The following UFD1 variants were observed in gnomAD, a reference collection of about 807,000 sequenced individuals.
UFD1 encodes ubiquitin recognition factor in ER associated degradation 1, also known as ubiquitin recognition factor in ER-associated degradation protein 1.
A neutral mutation model predicts 45.9 loss-of-function variants in UFD1; 13 were observed. The ratio of observed to expected loss-of-function variants is 0.28; its 90% CI spans 0.18 to 0.45. The LOEUF is 0.45. Ranked by LOEUF, UFD1 falls within the 20% of genes least tolerant of loss-of-function variation. The pLI is 1.00. For missense variants in UFD1, 218 were observed against 389.2 expected (o/e 0.56, Z 3.70); for synonymous variants, 128 against 139.2 (o/e 0.92, Z 0.56).
chr22:19,475,010 A>AC (rs1317820375), intron 3 of UFD1, 58 bp downstream of exon 3: 2 of 1,518,248 alleles, frequency 1.3e-6, no homozygotes, highest in Non-Finnish European at 1.8e-6. Context: ...GCCCATGCTG[A>AC]CTCTTGGTGT....
Position 19,479,017 on chromosome 22 carries a change from C to T in UFD1, c.3+66G>A, listed in dbSNP as rs1037638223. On this transcript the variant is annotated intron_variant, in intron 1 of 11. Transcript: ENST00000263202. ...CGCCGCCGTCCCGCCCCGCCCTGCC[C>T]CGCCGGGCCCTACCTCAGGCCCCGG... is the stretch of plus-strand genomic sequence containing the variant. 54 of 1,533,548 alleles carry T rather than the reference C, an allele frequency of 3.5e-5. No individual in the cohort carries two copies. The African/African-American group carries it at 6.6e-4, about 19-fold the overall frequency. The allele number at this position is 1,533,548 out of a possible 1,614,324, so 95.0% of individuals were successfully genotyped here.
chr22:19,476,922 G>A (rs1468758831), intron 1 of UFD1, among the ~76,000 whole-genome samples: 1 of 144,934 alleles, frequency 6.9e-6, no homozygotes, highest in Non-Finnish European at 1.5e-5. Flanking sequence ...CAGAAGAATC[G>A]CTTGAACCCA....
chr22:19,468,488 A>G (rs2089820226), intron 4 of UFD1, among the ~76,000 whole-genome samples: 1 of 152,200 alleles, frequency 6.6e-6, no homozygotes, highest in African/African-American at 2.4e-5. Context: ...AGGAGGTTAT[A>G]AAAATCTGAC....
At chr22:19,476,864 G>A (rs1478956327) in intron 1 of UFD1, among the ~76,000 whole-genome samples, 2 of 151,740 alleles carry the variant, frequency 1.3e-5, no homozygotes, top group Non-Finnish European at 2.9e-5. Flanking sequence ...AAAATTAGCC[G>A]GGCGTGGTGG....
At chr22:19,452,035 A>G in intron 11 of UFD1, 1 of 739,076 alleles carries the variant, frequency 1.4e-6, no homozygotes, top group Non-Finnish European at 1.7e-6. Context: ...TCTTCTTGTG[A>G]GTTCCTTTTT....
At chr22:19,456,706 G>A (rs541865029) in intron 8 of UFD1, 72 bp from the exon 9 acceptor site, 272 of 1,610,940 alleles carry the variant, frequency 1.7e-4, no homozygotes, top group South Asian at 5.3e-4. Context: ...CCCCACCCCC[G>A]GCTAGGATGT....
At chr22:19,464,034 G>T (rs975471528) in intron 6 of UFD1, among the ~76,000 whole-genome samples, 4 of 152,094 alleles carry the variant, frequency 2.6e-5, no homozygotes, top group African/African-American at 9.7e-5. Flanking sequence ...TACCTAAAAT[G>T]TTCTCCACAA....
chr22:19,460,018 T>C (rs1398020766), intron 6 of UFD1, among the ~76,000 whole-genome samples: 1 of 152,062 alleles, frequency 6.6e-6, no homozygotes, highest in Non-Finnish European at 1.5e-5. Context: ...ATTACAGGCA[T>C]GGGCCACCAT....
rs1193371066 is a variant in UFD1 at position 19,465,234 on chromosome 22, C to T, written c.463G>A (p.Gly155Arg). The change falls in exon 6 of 12, where the codon GGG becomes AGG. Residue 155 changes from glycine to arginine, a missense_variant. Gly to Arg is a moderately radical substitution (Grantham distance 125, BLOSUM62 -2). Transcript: ENST00000263202. ...TTATAGTTGATGGCAATCACATCCC[C>T]GGTGGTCAGACAGGCAAAGTTCCTA... Reference protein sequence around the residue: ...ALRNFACLTTGDVIAINYNEK... With the variant: ...ALRNFACLTTRDVIAINYNEK... 2.2e-5 allele frequency: 35 copies of T among 1,614,140 alleles called. No homozygotes were observed. Among genetic ancestry groups the T allele is most frequent in the Non-Finnish European group, 2.9e-5 (34 of 1,180,030 alleles).
chr22:19,468,250 G>C (rs2089817939), intron 4 of UFD1, among the ~76,000 whole-genome samples: 1 of 152,222 alleles, frequency 6.6e-6, no homozygotes, highest in Non-Finnish European at 1.5e-5. Context: ...CTGCAGGGCT[G>C]CCCGGATTAC....
chr22:19,479,125 T>C lies in UFD1; in HGVS notation c.-40A>G, dbSNP rs371563414. ...GGCAGACTCCGCTCCTCTCAGGCAATGCAACGAAGAAACCCCGCCGACCGC... is the reference window on the plus strand; with the variant it reads ...GGCAGACTCCGCTCCTCTCAGGCAACGCAACGAAGAAACCCCGCCGACCGC... On this transcript the variant is annotated 5_prime_UTR_variant, in exon 1 of 12. Transcript: ENST00000263202. The C allele has an allele frequency of 5.6e-6, 9 of 1,599,590 alleles. No homozygotes were observed. In the African/African-American group the frequency reaches 9.4e-5, roughly 17 times the overall value.
chr22:19,460,701 T>C (rs2146293941), intron 6 of UFD1, among the ~76,000 whole-genome samples: 1 of 152,012 alleles, frequency 6.6e-6, no homozygotes, highest in Admixed American at 6.6e-5. Flanking sequence ...TACTATACGT[T>C]TCTAAACATT....
At chr22:19,456,534 A>G in intron 9 of UFD1, 53 bp downstream of exon 9, 1 of 1,610,526 alleles carries the variant, frequency 6.2e-7, no homozygotes, top group Non-Finnish European at 8.5e-7. Flanking sequence ...TGAGTGCTCT[A>G]ATTTCAAGGA....
chr22:19,471,996 C>A (rs2089849794), intron 3 of UFD1, among the ~76,000 whole-genome samples, 188 bp from the exon 4 acceptor site: 1 of 152,226 alleles, frequency 6.6e-6, no homozygotes, highest in South Asian at 2.1e-4. Context: ...GGTAACACAG[C>A]ACTGGCATAG....
At chr22:19,461,007 T>C (rs1174230548) in intron 6 of UFD1, among the ~76,000 whole-genome samples, 1 of 152,192 alleles carries the variant, frequency 6.6e-6, no homozygotes, top group Non-Finnish European at 1.5e-5. Context: ...CCTCCAACCT[T>C]GGCCTCCCAA....
At chr22:19,473,691 G>A (rs1308348346) in intron 3 of UFD1, among the ~76,000 whole-genome samples, 1 of 152,204 alleles carries the variant, frequency 6.6e-6, no homozygotes, top group African/African-American at 2.4e-5. Context: ...CCTTGTGGTT[G>A]GAATCGGATA....
intron 6 of UFD1, among the ~76,000 whole-genome samples, chr22:19,459,681 C>G (rs2089750645): frequency 6.7e-6 from 1 of 150,334 alleles, no homozygotes; most frequent in Non-Finnish European, 1.5e-5. Context: ...GTGGCCCTAT[C>G]TACTTTTTCC....
intron 4 of UFD1, chr22:19,470,836 G>A: frequency 2.2e-6 from 1 of 462,716 alleles, no homozygotes; most frequent in Middle Eastern, 5.6e-4. Context: ...CAGCAGGAGA[G>A]GTGGGCTGTG....
intron 6 of UFD1, among the ~76,000 whole-genome samples, chr22:19,462,513 A>G (rs189979485): frequency 9.9e-5 from 15 of 152,184 alleles, no homozygotes; most frequent in Admixed American, 7.8e-4. Flanking sequence ...TAAAAATACA[A>G]AAGTAGCCGC....
Sources: allele counts gnomAD v4.1 joint callset (sites outside exome capture counted in the v4.1 genomes callset), GRCh38; gene constraint gnomAD v4.1.1; transcripts MANE v1.5; gene names NCBI Gene and HGNC (gene_info 2026-07-23, HGNC 2026-07-21).